Variants in TPD52 observed in about 807,000 individuals in gnomAD.
TPD52 encodes the protein prostate and colon associated protein.
Under a neutral mutation model 31.3 loss-of-function variants are expected in TPD52, and 17 were observed. That is an observed-to-expected ratio of 0.54 (90% CI 0.37 to 0.82). The LOEUF (loss-of-function observed/expected upper bound fraction) is 0.82. Ranked by LOEUF, TPD52 falls within the 40% of genes least tolerant of loss-of-function variation. The pLI is 0.00. For synonymous variants in TPD52, 83 were observed against 89.6 expected, an observed-to-expected ratio of 0.93 and a Z score of 0.42; for missense variants, 212 against 240.1, an observed-to-expected ratio of 0.88 and a Z score of 0.77.
At chr8:80,063,325 A>G (rs1405304085) in intron 2 of TPD52, among the ~76,000 whole-genome samples, 1 of 152,248 alleles carries the variant, frequency 6.6e-6, no homozygotes, top group Non-Finnish European at 1.5e-5. Context: ...TTCCATTTAT[A>G]TGAAATAACC....
chr8:80,161,730 A>ATTTTT (rs1352866479), intron 1 of TPD52, among the ~76,000 whole-genome samples: 5 of 56,214 alleles, frequency 8.9e-5, no homozygotes, highest in African/African-American at 2.3e-4. Context: ...ATATATATAT[A>ATTTTT]TATTTTTTTT....
chr8:80,053,534 T>C, intron 2 of TPD52, 104 bp from the exon 3 acceptor site: 3 of 1,219,556 alleles, frequency 2.5e-6, no homozygotes, highest in Non-Finnish European at 3.4e-6. Flanking sequence ...AAACATTTTT[T>C]TGAATCATTT....
intron 1 of TPD52, among the ~76,000 whole-genome samples, chr8:80,131,238 T>A (rs1369018447): frequency 6.6e-6 from 1 of 152,220 alleles, no homozygotes; most frequent in Non-Finnish European, 1.5e-5. Context: ...ATGGCTAAGC[T>A]ACTTGAAAGG....
rs146918401 is a variant in TPD52 at position 80,147,838 on chromosome 8, GCACA to G, written c.19+23583_19+23586del. Among the ~76,000 whole-genome samples, 10 of 148,158 alleles carry G rather than the reference GCACA, an allele frequency of 6.7e-5. No homozygotes were observed. The East Asian group carries it at 7.9e-4, about 12-fold the overall frequency. On this transcript the variant is annotated intron_variant, in intron 1 of 7. Transcript: ENST00000518937. The stretch of plus-strand genomic sequence containing the variant: ...CACACACATACATACACACACACAC[GCACA>G]CACACACACACACCCCCCACACCCC...
At chr8:80,101,647 G>A (rs1378827414) in intron 1 of TPD52, among the ~76,000 whole-genome samples, 10 of 152,084 alleles carry the variant, frequency 6.6e-5, no homozygotes, top group Admixed American at 5.9e-4. Flanking sequence ...CACTCATAGT[G>A]GAAGGTGAAG....
intron 1 of TPD52, chr8:80,171,085 G>A (rs768294595): frequency 3.3e-6 from 2 of 604,634 alleles, no homozygotes; most frequent in Middle Eastern, 2.7e-4. Context: ...GGAGCTGGCT[G>A]CGCCGTGCTC....
chr8:80,124,763 T>G (rs1454112756), intron 1 of TPD52, among the ~76,000 whole-genome samples: 1 of 152,204 alleles, frequency 6.6e-6, no homozygotes, highest in Non-Finnish European at 1.5e-5. Context: ...TTTTTTGCCA[T>G]GCTTAGCACG....
chr8:80,081,444 T>C (rs1167423709), intron 1 of TPD52, among the ~76,000 whole-genome samples: 7 of 152,120 alleles, frequency 4.6e-5, no homozygotes, highest in Non-Finnish European at 1.0e-4. Context: ...GCAACAGCAA[T>C]TGCAGCTCCT....
chr8:80,139,827 C>T (rs569431321), intron 1 of TPD52, among the ~76,000 whole-genome samples: 12 of 152,176 alleles, frequency 7.9e-5, no homozygotes, highest in African/African-American at 2.9e-4. Context: ...GACAGGAATA[C>T]AAGACATTTA....
intron 1 of TPD52, among the ~76,000 whole-genome samples, chr8:80,156,419 G>A (rs1399869925): frequency 6.6e-6 from 1 of 152,152 alleles, no homozygotes; most frequent in Non-Finnish European, 1.5e-5. Context: ...GTGTCACAAA[G>A]GCCAGCCCAT....
chr8:80,040,330 G>GGT (rs1810263062), intron 7 of TPD52, among the ~76,000 whole-genome samples: 1 of 151,264 alleles, frequency 6.6e-6, no homozygotes, highest in African/African-American at 2.4e-5. Flanking sequence ...TGGGACTACA[G>GGT]GTGTATGCCA....
intron 1 of TPD52, among the ~76,000 whole-genome samples, chr8:80,115,532 G>A (rs1157730990): frequency 6.6e-6 from 1 of 152,126 alleles, no homozygotes; most frequent in Non-Finnish European, 1.5e-5. Flanking sequence ...GAGAAGGAAG[G>A]GAGGCAAGAG....
intron 1 of TPD52, among the ~76,000 whole-genome samples, chr8:80,093,710 AT>A (rs201645804): frequency 0.018 from 2,721 of 152,288 alleles, 75 homozygotes; most frequent in African/African-American, 0.062. Flanking sequence ...ATTAAAAAAA[AT>A]ATACACTGCA....
intron 1 of TPD52, among the ~76,000 whole-genome samples, chr8:80,162,093 A>AT (rs1258996211): frequency 5.9e-5 from 9 of 152,278 alleles, no homozygotes; most frequent in African/African-American, 2.2e-4. Context: ...ACTCACCATG[A>AT]TTATGAGCCA....
chr8:80,079,814 G>A (rs1364510151), intron 1 of TPD52, among the ~76,000 whole-genome samples: 1 of 75,956 alleles, frequency 1.3e-5, no homozygotes, highest in Non-Finnish European at 2.5e-5. Context: ...GCAATTTCTA[G>A]TTTTTCTTTA....
intron 5 of TPD52, among the ~76,000 whole-genome samples, chr8:80,046,170 T>A (rs952022945): frequency 6.6e-6 from 1 of 152,178 alleles, no homozygotes; most frequent in African/African-American, 2.4e-5. Context: ...GGCAAGGAAG[T>A]GACTAGACTG....
chr8:80,157,034 C>T (rs1183018675), intron 1 of TPD52, among the ~76,000 whole-genome samples: 4 of 152,138 alleles, frequency 2.6e-5, no homozygotes, highest in East Asian at 3.9e-4. Context: ...AATACCAAGT[C>T]TAACCAGTGA....
At chr8:80,143,595 C>T (rs536853325) in intron 1 of TPD52, among the ~76,000 whole-genome samples, 6 of 152,340 alleles carry the variant, frequency 3.9e-5, no homozygotes, top group East Asian at 1.9e-4. Flanking sequence ...ACCTTCCTTA[C>T]GTGCAGGAGC....
intron 2 of TPD52, among the ~76,000 whole-genome samples, chr8:80,057,467 T>A (rs1812021670): frequency 6.6e-6 from 1 of 152,158 alleles, no homozygotes; most frequent in South Asian, 2.1e-4. Context: ...TACATATACA[T>A]CATGGAATAC....
Sources: gnomAD v4.1 joint callset for allele counts (sites outside exome capture counted in the v4.1 genomes callset) on GRCh38, gnomAD v4.1.1 for gene constraint, MANE v1.5 for transcripts, NCBI Gene and HGNC (gene_info 2026-07-23, HGNC 2026-07-21) for gene names.